APBB2: variants seen among roughly 807,000 people sequenced by gnomAD.
APBB2 encodes amyloid beta precursor protein binding family B member 2, also known as Fe65-like 1.
In APBB2, 38 loss-of-function variants were observed where a neutral mutation model predicts 82.5. The ratio of observed to expected loss-of-function variants is 0.46; its 90% CI spans 0.36 to 0.60. The LOEUF is 0.60. APBB2 is among the 20% of genes least tolerant of loss of function. APBB2 has a pLI of 0.00. For synonymous variants in APBB2, 341 were observed against 368.2 expected (o/e 0.93, Z 0.85); for missense variants, 772 against 972.3 (o/e 0.79, Z 2.74).
rs1256077616 is a variant in APBB2, at chr4:40,959,423, C to A, written c.836-14350G>T. Among the ~76,000 whole-genome samples the A allele has an allele frequency of 2.0e-5, 3 of 152,158 alleles. No individual in the cohort carries two copies. In the South Asian group the frequency reaches 6.2e-4, roughly 32 times the overall value. ...TTGGCAGGATCTTCAATATGCTTTTCTCTCAGAGCTGCAGTCCTCTGGCTA... is the reference window on the plus strand; with the variant it reads ...TTGGCAGGATCTTCAATATGCTTTTATCTCAGAGCTGCAGTCCTCTGGCTA... On this transcript the variant is annotated intron_variant, in intron 6 of 17. Coordinates refer to ENST00000508593, the MANE Select transcript of APBB2 (RefSeq NM_004307.2).
At chr4:40,972,445 T>TAAATAAATAAATAAATAAATA (rs372950734) in intron 6 of APBB2, among the ~76,000 whole-genome samples, 2 of 146,996 alleles carry the variant, frequency 1.4e-5, no homozygotes, top group African/African-American at 5.0e-5. Context: ...AAAAAAATAA[T>TAAATAAATAAATAAATAAATA]AATAAATAAA....
chr4:40,821,836 G>A (rs1286578868), intron 17 of APBB2, 35 bp downstream of exon 17: 24 of 1,604,666 alleles, frequency 1.5e-5, no homozygotes, highest in East Asian at 4.5e-5. Flanking sequence ...GAGCAGAGGC[G>A]GGAGGGCTCA....
rs35952366 is a variant in APBB2, at chr4:41,119,522, TAAAAA to T, written c.-260-18777_-260-18773del. Among the ~76,000 whole-genome samples, 407 of 118,030 alleles carry T rather than the reference TAAAAA, an allele frequency of 3.4e-3. 2 individuals are homozygous for T. The highest frequency in any genetic ancestry group is 0.013 in the African/African-American group (394 of 31,252). 77.4% of individuals were successfully genotyped at this position (118,030 alleles called of 152,430 possible). ...CCAGAAAGGCTCTAGGAAGTTCCATTAAAAAAAAAAAAAAAAAAAAGTTGGCAATT... is the reference window on the plus strand; with the variant it reads ...CCAGAAAGGCTCTAGGAAGTTCCATTAAAAAAAAAAAAAAAGTTGGCAATT... On this transcript the variant is annotated intron_variant, in intron 2 of 17. Transcript: ENST00000508593.
chr4:41,147,506 T>TA (rs869274400), intron 1 of APBB2, among the ~76,000 whole-genome samples: 1 of 145,000 alleles, frequency 6.9e-6, no homozygotes, highest in African/African-American at 2.6e-5. Flanking sequence ...TTTTTTTTTT[T>TA]AAATGAGGAG....
chr4:40,868,955 C>A (rs28530543), intron 12 of APBB2, among the ~76,000 whole-genome samples: 1 of 152,002 alleles, frequency 6.6e-6, no homozygotes, highest in African/African-American at 2.4e-5. Flanking sequence ...ACCATGCTTA[C>A]GAACTACTAA....
At chr4:41,195,875 T>A in intron 1 of APBB2, among the ~76,000 whole-genome samples, 1 of 152,094 alleles carries the variant, frequency 6.6e-6, no homozygotes, top group Admixed American at 6.6e-5. Context: ...AAAAATCACA[T>A]CCCGGCCAGG....
intron 10 of APBB2, among the ~76,000 whole-genome samples, chr4:40,906,484 A>AAAAAC (rs1776772903): frequency 2.8e-5 from 4 of 141,552 alleles, no homozygotes; most frequent in Admixed American, 7.4e-5. Context: ...AAAAAAAAAA[A>AAAAAC]AAAAGAAAAG....
intron 6 of APBB2, among the ~76,000 whole-genome samples, chr4:40,975,902 G>T (rs2154400708): frequency 6.6e-6 from 1 of 151,908 alleles, no homozygotes; most frequent in South Asian, 2.1e-4. Context: ...TGATTCTAGG[G>T]ACTCTCATGA....
intron 4 of APBB2, among the ~76,000 whole-genome samples, chr4:41,048,703 C>G (rs1291057924): frequency 6.7e-6 from 1 of 149,174 alleles, no homozygotes; most frequent in African/African-American, 2.5e-5. Context: ...TCTCCTTCCA[C>G]GGTCTCCCTC....
At chr4:41,110,212 C>T (rs1748697783) in intron 2 of APBB2, among the ~76,000 whole-genome samples, 1 of 152,254 alleles carries the variant, frequency 6.6e-6, no homozygotes, top group Non-Finnish European at 1.5e-5. Context: ...GGCTGCCACA[C>T]ATGTGCCTGG....
At chr4:41,017,386 G>T (rs1446374164) in intron 5 of APBB2, among the ~76,000 whole-genome samples, 3 of 152,084 alleles carry the variant, frequency 2.0e-5, no homozygotes, top group Admixed American at 2.0e-4. Flanking sequence ...GGCTCAAAAG[G>T]GTCATGAAGT....
chr4:41,135,662 T>C (rs1757361596), intron 2 of APBB2, among the ~76,000 whole-genome samples: 2 of 152,214 alleles, frequency 1.3e-5, no homozygotes, highest in Non-Finnish European at 1.5e-5. Context: ...ACTCACAGTA[T>C]CTTTGAAAGC....
At chr4:40,989,953 G>T (rs1354608732) in intron 6 of APBB2, among the ~76,000 whole-genome samples, 1 of 152,160 alleles carries the variant, frequency 6.6e-6, no homozygotes, top group Non-Finnish European at 1.5e-5. Flanking sequence ...GAAAACTAAA[G>T]AGTACATATA....
At chr4:40,972,393 G>A (rs6838759) in intron 6 of APBB2, among the ~76,000 whole-genome samples, 62,918 of 149,400 alleles carry the variant, frequency 0.42, 13,646 homozygotes, top group East Asian at 0.72. Context: ...GCGCCACTGC[G>A]CTCCAGCCTG....
chr4:41,080,697 CCTT>C (rs1478013165), intron 3 of APBB2, among the ~76,000 whole-genome samples: 4 of 109,926 alleles, frequency 3.6e-5, no homozygotes, highest in South Asian at 6.0e-4. Context: ...TGTAAATGCT[CCTT>C]TTTTTTTTTT....
At chr4:41,095,976 C>T (rs938548192) in intron 3 of APBB2, among the ~76,000 whole-genome samples, 1 of 152,196 alleles carries the variant, frequency 6.6e-6, no homozygotes, top group African/African-American at 2.4e-5. Context: ...ACGCTCCATA[C>T]CCCAGCCACG....
At chr4:40,926,291 C>T (rs1782584038) in intron 10 of APBB2, among the ~76,000 whole-genome samples, 1 of 152,134 alleles carries the variant, frequency 6.6e-6, no homozygotes, top group South Asian at 2.1e-4. Context: ...TCAGAATTTG[C>T]CCACAGGTAC....
At chr4:40,971,091 G>A (rs930291678) in intron 6 of APBB2, among the ~76,000 whole-genome samples, 9 of 152,072 alleles carry the variant, frequency 5.9e-5, no homozygotes, top group East Asian at 1.9e-4. Flanking sequence ...CTTCAAGCTC[G>A]CAATGATTCC....
At chr4:41,133,446 C>G (rs980930929) in intron 2 of APBB2, among the ~76,000 whole-genome samples, 1 of 152,196 alleles carries the variant, frequency 6.6e-6, no homozygotes, top group Non-Finnish European at 1.5e-5. Flanking sequence ...AGACAATCAA[C>G]CCCTAGCAGA....
Sources: gnomAD v4.1 joint callset for allele counts (sites outside exome capture counted in the v4.1 genomes callset) on GRCh38, gnomAD v4.1.1 for gene constraint, MANE v1.5 for transcripts, NCBI Gene and HGNC (gene_info 2026-07-23, HGNC 2026-07-21) for gene names.